Variants in FAAH2 observed in about 807,000 individuals in gnomAD.
The protein encoded by FAAH2 is fatty-acid amide hydrolase 2.
Under a neutral mutation model 36.9 loss-of-function variants are expected in FAAH2, and 60 were observed. The ratio of observed to expected loss-of-function variants is 1.63; its 90% confidence interval spans 1.32 to 2.02. FAAH2 has a LOEUF of 2.02. Among genes scored for constraint, FAAH2 ranks in the 30% most tolerant of loss-of-function variants. The pLI, the probability that FAAH2 is intolerant of heterozygous loss-of-function variation, is 0.00. For missense variants in FAAH2, 689 were observed against 397.5 expected, an observed-to-expected ratio of 1.73 and a Z score of -6.23; for synonymous variants, 214 against 143.8, an observed-to-expected ratio of 1.49 and a Z score of -3.49.
At chrX:57,486,773 G>T (rs1183596758) in intron 10 of FAAH2, among the ~76,000 whole-genome samples, 2 of 111,836 alleles carry the variant, frequency 1.8e-5, no homozygotes, top group Non-Finnish European at 3.8e-5. Flanking sequence ...CAGCTTGAGA[G>T]AGGGTGATGC....
At chrX:57,459,938 T>A (rs1450631493) in intron 10 of FAAH2, among the ~76,000 whole-genome samples, 1 of 110,601 alleles carries the variant, frequency 9.0e-6, no homozygotes, top group African/African-American at 3.3e-5. Context: ...ATGCCTCTTC[T>A]CCCCCAAGTG....
chrX:57,254,101 C>CAA, the FAAH2 span, among the ~76,000 whole-genome samples: 8 of 97,504 alleles, frequency 8.2e-5, no homozygotes, highest in South Asian at 1.4e-3. Context: ...ATCTACCAAG[C>CAA]AAAAAAAAAA....
intron 3 of FAAH2, among the ~76,000 whole-genome samples, chrX:57,326,386 G>T (rs1301612054): frequency 8.7e-6 from 1 of 114,389 alleles, no homozygotes; most frequent in Non-Finnish European, 1.9e-5. Context: ...TCAATTCCTG[G>T]ATATCCTTGT....
At chrX:57,185,655 A>G in the FAAH2 span, among the ~76,000 whole-genome samples, 1 of 110,300 alleles carries the variant, frequency 9.1e-6, no homozygotes, top group Non-Finnish European at 1.9e-5. Context: ...ACTGTCAACT[A>G]GGTTTTAAGC....
intron 5 of FAAH2, among the ~76,000 whole-genome samples, chrX:57,351,056 C>T (rs931618662): frequency 4.5e-5 from 5 of 111,252 alleles, no homozygotes; most frequent in African/African-American, 1.3e-4. Flanking sequence ...ATCAACACAT[C>T]GAACATTCTC....
chrX:57,221,312 C>A, the FAAH2 span, among the ~76,000 whole-genome samples: 1 of 111,528 alleles, frequency 9.0e-6, no homozygotes, highest in Non-Finnish European at 1.9e-5. Flanking sequence ...CTCCTCCAAC[C>A]ACCCACCTTA....
At chrX:57,349,416 CATATATACAT>C (rs1165639597) in intron 5 of FAAH2, among the ~76,000 whole-genome samples, 23 of 90,792 alleles carry the variant, frequency 2.5e-4, no homozygotes, top group Non-Finnish European at 4.2e-4. Flanking sequence ...TGTATATACA[CATATATACAT>C]ATATATACAT....
the FAAH2 span, among the ~76,000 whole-genome samples, chrX:57,236,416 C>G: frequency 2.7e-5 from 3 of 112,207 alleles, no homozygotes; most frequent in Non-Finnish European, 5.6e-5. Flanking sequence ...GGAATCTCCG[C>G]AGTGTTTTCC....
chrX:57,346,684 G>T (rs2053830201), intron 5 of FAAH2, among the ~76,000 whole-genome samples: 1 of 111,368 alleles, frequency 9.0e-6, no homozygotes, highest in Non-Finnish European at 1.9e-5. Flanking sequence ...TTATCTGTGG[G>T]CTATTTGCTT....
chrX:57,242,773 A>G, the FAAH2 span, among the ~76,000 whole-genome samples: 1 of 112,370 alleles, frequency 8.9e-6, no homozygotes, highest in Non-Finnish European at 1.9e-5. Context: ...ACAGACCAGG[A>G]GATTCCCTCG....
At chrX:57,401,928 G>T (rs1193225010) in intron 7 of FAAH2, among the ~76,000 whole-genome samples, 1 of 111,529 alleles carries the variant, frequency 9.0e-6, no homozygotes, top group Non-Finnish European at 1.9e-5. Flanking sequence ...AAAGAGTAAA[G>T]TTCCCCAGTC....
the FAAH2 span, among the ~76,000 whole-genome samples, chrX:57,139,116 G>C: frequency 8.9e-6 from 1 of 112,348 alleles, no homozygotes; most frequent in African/African-American, 3.2e-5. Flanking sequence ...TCTTACTCAA[G>C]AAATCGTTGC....
intron 5 of FAAH2, among the ~76,000 whole-genome samples, chrX:57,357,219 A>G (rs536002410): frequency 9.0e-6 from 1 of 111,400 alleles, no homozygotes; most frequent in Non-Finnish European, 1.9e-5. Context: ...AAGACCTAAA[A>G]CCATGAAAAC....
At chrX:57,155,679 C>T in the FAAH2 span, among the ~76,000 whole-genome samples, 1 of 112,307 alleles carries the variant, frequency 8.9e-6, no homozygotes, top group Non-Finnish European at 1.9e-5. Context: ...ACTTTGGGTT[C>T]AGTTGGAACT....
At chrX:57,408,143 C>T (rs1460956344) in intron 7 of FAAH2, among the ~76,000 whole-genome samples, 4 of 110,650 alleles carry the variant, frequency 3.6e-5, no homozygotes, top group African/African-American at 1.3e-4. Flanking sequence ...CTATTCATGG[C>T]TTTTTGTAGT....
In FAAH2 at chrX:57,462,508, G is replaced by C. The variant is rs12737839; in HGVS notation, c.1423+13790G>C. Among the ~76,000 whole-genome samples the C allele has an allele frequency of 1.3e-4, 15 of 111,644 alleles. No homozygotes were observed. In the East Asian group the frequency reaches 4.2e-3, roughly 31 times the overall value. Reference sequence around the variant, plus strand: ...GGGATGCAAGGCTTGTTCAACATACGCAAATCAATAAACATAACCCATCAC... The same window carrying C: ...GGGATGCAAGGCTTGTTCAACATACCCAAATCAATAAACATAACCCATCAC... On this transcript the variant is annotated intron_variant, in intron 10 of 10. Transcript: ENST00000374900.
At chrX:57,178,612 T>C in the FAAH2 span, among the ~76,000 whole-genome samples, 3 of 111,645 alleles carry the variant, frequency 2.7e-5, no homozygotes, top group Non-Finnish European at 5.6e-5. Context: ...TCCTTACATG[T>C]GGGTGCAAGC....
In FAAH2 at chrX:57,328,356, A is replaced by G. The variant is rs749579774; in HGVS notation, c.413-3242A>G. On this transcript the variant is annotated intron_variant, in intron 3 of 10. Coordinates refer to ENST00000374900, the MANE Select transcript of FAAH2 (RefSeq NM_174912.4). ...TGCGTGCTGGGAGAACCACTATGCCACTTGTTATTTTTTCATGAAATTTTT... is the reference window on the plus strand; with the variant it reads ...TGCGTGCTGGGAGAACCACTATGCCGCTTGTTATTTTTTCATGAAATTTTT... Among the ~76,000 whole-genome samples, 9 of 111,113 alleles carry G rather than the reference A, an allele frequency of 8.1e-5. No homozygotes were observed. In the East Asian group the frequency reaches 2.6e-3, roughly 32 times the overall value.
intron 7 of FAAH2, among the ~76,000 whole-genome samples, chrX:57,404,762 T>G (rs923332599): frequency 2.7e-5 from 3 of 111,723 alleles, no homozygotes; most frequent in Non-Finnish European, 5.6e-5. Context: ...ATGAGAATTT[T>G]GGGGCTACTC....
Sources: gnomAD v4.1 joint callset for allele counts (sites outside exome capture counted in the v4.1 genomes callset) on GRCh38, gnomAD v4.1.1 for gene constraint, MANE v1.5 for transcripts, NCBI Gene and HGNC (gene_info 2026-07-23, HGNC 2026-07-21) for gene names.